POU2F1: variants seen among roughly 807,000 people sequenced by gnomAD.
POU2F1 encodes the protein POU domain, class 2, transcription factor 1.
Under a neutral mutation model 84.9 loss-of-function variants are expected in POU2F1, and 16 were observed. The ratio of observed to expected loss-of-function variants is 0.19; its 90% CI spans 0.13 to 0.29. The LOEUF is 0.29. Ranked by LOEUF, POU2F1 falls within the 10% of genes least tolerant of loss-of-function variation. POU2F1 has a pLI of 1.00. For missense variants in POU2F1, 738 were observed against 942.6 expected (o/e 0.78, Z 2.84); for synonymous variants, 368 against 368.3 (o/e 1.00, Z 0.01).
In POU2F1 at chr1:167,327,710, AGT is replaced by A. The variant is rs1359029235; in HGVS notation, c.62-4759_62-4758del. Among the ~76,000 whole-genome samples the A allele has an allele frequency of 3.3e-5, 5 of 152,180 alleles. No homozygotes were observed. The South Asian group carries it at 8.3e-4, about 25-fold the overall frequency. ...TCACTACACGGAAAACAAACCATTC[AGT>A]CTGCTGCTTTACCACCTCTCAGCAA... On this transcript the variant is annotated intron_variant, in intron 1 of 15. Transcript: ENST00000367866.
intron 13 of POU2F1, among the ~76,000 whole-genome samples, chr1:167,409,616 T>C (rs1337526140): frequency 6.6e-6 from 1 of 152,240 alleles, no homozygotes; most frequent in Non-Finnish European, 1.5e-5. Context: ...CCTAGAACAA[T>C]TTTGAATGCT....
intron 1 of POU2F1, among the ~76,000 whole-genome samples, chr1:167,314,213 A>G (rs866673877): frequency 4.0e-5 from 6 of 150,720 alleles, no homozygotes; most frequent in African/African-American, 9.9e-5. Context: ...AAAAAAAAAA[A>G]CAAAACTTCA....
chr1:167,401,383 G>A, intron 12 of POU2F1, 68 bp from the exon 13 acceptor site: 4 of 1,103,778 alleles, frequency 3.6e-6, no homozygotes, highest in Non-Finnish European at 5.3e-6. Flanking sequence ...AAGAAAGACT[G>A]TAAAATCATT....
chr1:167,372,921 G>A (rs1465663872), intron 5 of POU2F1, among the ~76,000 whole-genome samples: 1 of 106,626 alleles, frequency 9.4e-6, no homozygotes, highest in African/African-American at 3.4e-5. Context: ...ATTTCCTAGG[G>A]TTTTTTGTTT....
At chr1:167,390,177 A>G (rs1001814041) in intron 9 of POU2F1, among the ~76,000 whole-genome samples, 1 of 152,180 alleles carries the variant, frequency 6.6e-6, no homozygotes, top group Non-Finnish European at 1.5e-5. Context: ...AGAGGCTTCT[A>G]AGATACAATA....
intron 1 of POU2F1, among the ~76,000 whole-genome samples, chr1:167,325,448 A>G (rs184835367): frequency 3.3e-5 from 5 of 152,334 alleles, no homozygotes; most frequent in African/African-American, 1.2e-4. Flanking sequence ...ATGATTTAGT[A>G]AGGTAGAATA....
At chr1:167,397,967 A>T in intron 10 of POU2F1, 27 bp from the exon 11 acceptor site, 3 of 1,593,384 alleles carry the variant, frequency 1.9e-6, no homozygotes, top group Non-Finnish European at 2.6e-6. Flanking sequence ...AGCTAATTTT[A>T]TTTCTGTATT....
intron 1 of POU2F1, among the ~76,000 whole-genome samples, chr1:167,236,823 G>A (rs1649492812): frequency 6.6e-6 from 1 of 152,170 alleles, no homozygotes; most frequent in Admixed American, 6.5e-5. Flanking sequence ...TCTTAGCAGA[G>A]AACTGGAGTG....
At chr1:167,346,131 C>T (rs577786763) in intron 2 of POU2F1, among the ~76,000 whole-genome samples, 159 of 151,916 alleles carry the variant, frequency 1.0e-3, no homozygotes, top group Non-Finnish European at 1.8e-3. Flanking sequence ...ACCATGATTG[C>T]GCCACTGCAC....
At chr1:167,313,492 G>A (rs1179359106) in intron 1 of POU2F1, among the ~76,000 whole-genome samples, 1 of 152,114 alleles carries the variant, frequency 6.6e-6, no homozygotes, top group Admixed American at 6.5e-5. Flanking sequence ...TCAGTGGAAC[G>A]GAATATTGAA....
intron 1 of POU2F1, among the ~76,000 whole-genome samples, chr1:167,224,188 T>G (rs1201928150): frequency 6.6e-6 from 1 of 152,204 alleles, no homozygotes; most frequent in African/African-American, 2.4e-5. Flanking sequence ...TCCTCAAAAT[T>G]CTCAAATGGA....
At chr1:167,351,329 T>G (rs150728044) in intron 2 of POU2F1, among the ~76,000 whole-genome samples, 274 of 151,842 alleles carry the variant, frequency 1.8e-3, no homozygotes, top group Non-Finnish European at 2.9e-3. Context: ...CATTCCAACT[T>G]GGGCAACAAG....
At chr1:167,352,556 G>A (rs1373055239) in intron 2 of POU2F1, among the ~76,000 whole-genome samples, 4 of 152,170 alleles carry the variant, frequency 2.6e-5, no homozygotes, top group Non-Finnish European at 5.9e-5. Flanking sequence ...TCGGTGGAAG[G>A]CTCGGAATTT....
chr1:167,343,104 G>T (rs1264213628), intron 2 of POU2F1, among the ~76,000 whole-genome samples: 5 of 152,074 alleles, frequency 3.3e-5, no homozygotes, highest in African/African-American at 1.2e-4. Flanking sequence ...TGAGAAACTT[G>T]CCCTGGCTCT....
intron 1 of POU2F1, among the ~76,000 whole-genome samples, chr1:167,227,966 A>G (rs1356868141): frequency 6.6e-6 from 1 of 152,236 alleles, no homozygotes; most frequent in Non-Finnish European, 1.5e-5. Flanking sequence ...ACTTGCTCAC[A>G]GTCACTTAAC....
At chr1:167,376,237 G>T in intron 7 of POU2F1, 82 bp downstream of exon 7, 2 of 1,422,888 alleles carry the variant, frequency 1.4e-6, no homozygotes, top group Non-Finnish European at 1.9e-6. Context: ...CTATCATTTT[G>T]GCCCTGAAAC....
At chr1:167,377,149 A>G (rs73024285) in intron 7 of POU2F1, among the ~76,000 whole-genome samples, 2,893 of 152,368 alleles carry the variant, frequency 0.019, 88 homozygotes, top group African/African-American at 0.065. Context: ...CAACTGCAGA[A>G]TAAGTTTGCA....
intron 6 of POU2F1, among the ~76,000 whole-genome samples, chr1:167,374,833 C>T (rs991623293): frequency 4.6e-5 from 7 of 151,988 alleles, no homozygotes; most frequent in South Asian, 2.1e-4. Flanking sequence ...TTTGGGAGGC[C>T]GAGGCGGGCG....
At chr1:167,393,811 T>C (rs551631680) in intron 9 of POU2F1, among the ~76,000 whole-genome samples, 32 of 152,304 alleles carry the variant, frequency 2.1e-4, no homozygotes, top group African/African-American at 6.7e-4. Context: ...AAAACACTTA[T>C]TGCCATCTAA....
Sources: gnomAD v4.1 joint callset for allele counts (sites outside exome capture counted in the v4.1 genomes callset) on GRCh38, gnomAD v4.1.1 for gene constraint, MANE v1.5 for transcripts, NCBI Gene and HGNC (gene_info 2026-07-23, HGNC 2026-07-21) for gene names.